Variants in RALGAPA2 observed in about 807,000 individuals in gnomAD.
RALGAPA2 encodes Ral GTPase activating protein catalytic subunit alpha 2, also known as ral GTPase-activating protein subunit alpha-2.
A neutral mutation model predicts 230.4 loss-of-function variants in RALGAPA2; 139 were observed. The observed-to-expected ratio is 0.60, with a 90% CI of 0.53 to 0.69. The LOEUF is 0.69. Ranked by LOEUF, RALGAPA2 falls within the 30% of genes least tolerant of loss-of-function variation. The pLI, the probability that RALGAPA2 is intolerant of heterozygous loss-of-function variation, is 0.00. For missense variants in RALGAPA2, 2,163 were observed against 2,276.0 expected (o/e 0.95, Z 1.01); for synonymous variants, 847 against 837.8 (o/e 1.01, Z -0.19).
chr20:20,521,852 T>C (rs945333069), intron 30 of RALGAPA2, among the ~76,000 whole-genome samples: 1 of 152,218 alleles, frequency 6.6e-6, no homozygotes, highest in Non-Finnish European at 1.5e-5. Context: ...TAAATATATT[T>C]ATGTAAAGTA....
chr20:20,712,366 G>GCGCCTCACCCAGCAGCGCC lies in RALGAPA2; in HGVS notation c.96_106+8dup. ...GCGCCCCGACCCCCGCGCCCGGCGC[G>GCGCCTCACCCAGCAGCGCC]CGCCTCACCCAGCAGCGCCCGCAGG... On this transcript the variant is annotated intron_variant, in intron 1 of 39. Transcript: ENST00000202677. The surrounding 1 kb of genome is among the most constrained non-coding windows in gnomAD (Gnocchi z 5.5). The GCGCCTCACCCAGCAGCGCC allele has an allele frequency of 6.5e-7, 1 of 1,544,220 alleles. No homozygotes were observed. Among genetic ancestry groups the GCGCCTCACCCAGCAGCGCC allele is most frequent in the East Asian group, 2.5e-5 (1 of 40,310 alleles).
chr20:20,401,770 T>C (rs1045316402), intron 38 of RALGAPA2, among the ~76,000 whole-genome samples: 5 of 152,198 alleles, frequency 3.3e-5, no homozygotes, highest in African/African-American at 1.2e-4. Context: ...CGATAAAAAC[T>C]GTCTTGTCCC....
Position 20,583,154 on chromosome 20 carries a change from G to A in RALGAPA2, c.2603C>T (p.Thr868Ile). ...ATTCAGTTCTGGGTCTTCCTCACAG[G>A]TCTGCCATGGGCCCATGGACAGCTC... ...EAELSMGPWQTCEEDPELNTP... is the reference protein window; with the variant it reads ...EAELSMGPWQICEEDPELNTP... The change falls in exon 20 of 40, where the codon ACC becomes ATC. Residue 868 changes from threonine (T) to isoleucine (I), a missense_variant. Coordinates refer to ENST00000202677, the MANE Select transcript of RALGAPA2 (RefSeq NM_020343.4). 6.2e-6 allele frequency: 10 copies of A among 1,613,650 alleles called. No homozygotes were observed. Among genetic ancestry groups the A allele is most frequent in the Non-Finnish European group, 7.6e-6 (9 of 1,179,704 alleles).
At chr20:20,632,027 CT>C (rs563059184) in intron 9 of RALGAPA2, among the ~76,000 whole-genome samples, 525 of 141,232 alleles carry the variant, frequency 3.7e-3, no homozygotes, top group Middle Eastern at 0.011. Flanking sequence ...ACACACCCAG[CT>C]TTTTTTTTTT....
intron 37 of RALGAPA2, among the ~76,000 whole-genome samples, chr20:20,449,726 T>C (rs932682365): frequency 7.2e-5 from 11 of 152,328 alleles, no homozygotes; most frequent in Admixed American, 5.2e-4. Flanking sequence ...TTTGAACTCA[T>C]GGGGTAGAAT....
At chr20:20,424,766 C>T (rs543131687) in intron 37 of RALGAPA2, among the ~76,000 whole-genome samples, 9 of 151,224 alleles carry the variant, frequency 6.0e-5, no homozygotes, top group South Asian at 2.1e-4. Context: ...CTAATCTGCA[C>T]GTTGTGCACA....
At chr20:20,395,447 C>G (rs563581108) in intron 39 of RALGAPA2, among the ~76,000 whole-genome samples, 30 of 152,366 alleles carry the variant, frequency 2.0e-4, no homozygotes, top group Admixed American at 1.7e-3. Flanking sequence ...TCACAGGACA[C>G]TCGAACCTCA....
intron 10 of RALGAPA2, among the ~76,000 whole-genome samples, chr20:20,621,583 T>A (rs1422001030): frequency 6.6e-6 from 1 of 152,168 alleles, no homozygotes; most frequent in African/African-American, 2.4e-5. Flanking sequence ...AGGTTACTAA[T>A]GAGTTCAGCT....
At chr20:20,463,789 C>CA (rs1312568812) in intron 37 of RALGAPA2, among the ~76,000 whole-genome samples, 3 of 152,186 alleles carry the variant, frequency 2.0e-5, no homozygotes, top group Non-Finnish European at 2.9e-5. Flanking sequence ...TTTGAATACT[C>CA]AGACATTAAT....
intron 5 of RALGAPA2, among the ~76,000 whole-genome samples, chr20:20,641,913 A>C (rs1234027391): frequency 1.3e-5 from 2 of 151,642 alleles, no homozygotes; most frequent in African/African-American, 2.4e-5. Flanking sequence ...TAGAAGCCAA[A>C]ATACACTAGG....
chr20:20,498,127 T>C (rs2062265853), intron 35 of RALGAPA2, among the ~76,000 whole-genome samples: 1 of 152,244 alleles, frequency 6.6e-6, no homozygotes, highest in East Asian at 1.9e-4. Context: ...CACATCATTT[T>C]GTGAGTATTG....
intron 8 of RALGAPA2, among the ~76,000 whole-genome samples, 197 bp downstream of exon 8, chr20:20,637,166 G>A (rs1271138337): frequency 1.3e-5 from 2 of 152,166 alleles, no homozygotes; most frequent in East Asian, 1.9e-4. Flanking sequence ...TTTTACTGCT[G>A]TAAGCTGAGG....
intron 39 of RALGAPA2, among the ~76,000 whole-genome samples, chr20:20,395,557 G>C (rs900245652): frequency 2.0e-5 from 3 of 152,178 alleles, no homozygotes; most frequent in Non-Finnish European, 4.4e-5. Context: ...GGAGGGGACT[G>C]TACAACCCTT....
At chr20:20,663,419 AT>A (rs1425208501) in intron 3 of RALGAPA2, among the ~76,000 whole-genome samples, 1 of 152,140 alleles carries the variant, frequency 6.6e-6, no homozygotes, top group African/African-American at 2.4e-5. Flanking sequence ...CTTCTTCACA[AT>A]TTCATAGAAG....
intron 36 of RALGAPA2, among the ~76,000 whole-genome samples, chr20:20,493,906 G>C (rs1056003400): frequency 1.3e-5 from 2 of 152,172 alleles, no homozygotes; most frequent in African/African-American, 4.8e-5. Flanking sequence ...CAATAGAAAA[G>C]AGGGTTCCCT....
intron 36 of RALGAPA2, among the ~76,000 whole-genome samples, chr20:20,491,955 C>T (rs1454224238): frequency 1.3e-5 from 2 of 152,004 alleles, no homozygotes; most frequent in African/African-American, 4.8e-5. Context: ...TACCATTTCA[C>T]AAATGCTGTG....
chr20:20,495,153 A>AT lies in RALGAPA2; in HGVS notation c.5330dup (p.Asn1777LysfsTer13). Reference sequence around the variant, plus strand: ...TCGTTATCGCGATGAAGAACATGTGATTCTTCATTGGGTAAATAATGATTG... The same window carrying AT: ...TCGTTATCGCGATGAAGAACATGTGATTTCTTCATTGGGTAAATAATGATTG... On this transcript the variant is annotated frameshift_variant, in exon 36 of 40. Transcript: ENST00000202677. LOFTEE classifies it high-confidence loss of function. 1.9e-6 allele frequency: 3 copies of AT among 1,609,882 alleles called. No individual in the cohort carries two copies. Among genetic ancestry groups the AT allele is most frequent in the Non-Finnish European group, 2.5e-6 (3 of 1,176,816 alleles).
intron 1 of RALGAPA2, among the ~76,000 whole-genome samples, chr20:20,707,993 G>T (rs1260540212): frequency 6.6e-6 from 1 of 152,074 alleles, no homozygotes; most frequent in Non-Finnish European, 1.5e-5. Flanking sequence ...CCAGTGTGCA[G>T]CCACTAGTGA....
intron 24 of RALGAPA2, among the ~76,000 whole-genome samples, chr20:20,545,823 T>G (rs749756671): frequency 6.6e-6 from 1 of 152,184 alleles, no homozygotes; most frequent in Non-Finnish European, 1.5e-5. Context: ...CCTAACATTT[T>G]GGAGGCTGAG....
Sources: allele counts gnomAD v4.1 joint callset (sites outside exome capture counted in the v4.1 genomes callset), GRCh38; gene constraint gnomAD v4.1.1; non-coding constraint Gnocchi (gnomAD v3.1); transcripts MANE v1.5; gene names NCBI Gene and HGNC (gene_info 2026-07-23, HGNC 2026-07-21).